Variants in ANKS1B observed in about 807,000 individuals in gnomAD.
ANKS1B encodes the protein ankyrin repeat and sterile alpha motif domain containing 1B, also known as ankyrin repeat and sterile alpha motif domain-containing protein 1B.
ANKS1B carries 36 observed loss-of-function variants against 148.3 expected under a neutral mutation model. The ratio of observed to expected loss-of-function variants is 0.24; its 90% CI spans 0.19 to 0.32. The LOEUF is 0.32. ANKS1B is among the 10% of genes least tolerant of loss of function. The pLI, the probability that ANKS1B is intolerant of heterozygous loss-of-function variation, is 1.00. For synonymous variants in ANKS1B, 542 were observed against 560.8 expected (o/e 0.97, Z 0.47); for missense variants, 1,157 against 1,542.6 (o/e 0.75, Z 4.19).
chr12:98,922,955 T>A (rs1309146768), intron 17 of ANKS1B, among the ~76,000 whole-genome samples: 1 of 152,040 alleles, frequency 6.6e-6, no homozygotes, highest in East Asian at 1.9e-4. Flanking sequence ...TTCTTTGGAG[T>A]CTGGGGAGGG....
intron 12 of ANKS1B, among the ~76,000 whole-genome samples, chr12:99,285,929 C>T (rs972964424): frequency 6.6e-6 from 1 of 152,112 alleles, no homozygotes; most frequent in Non-Finnish European, 1.5e-5. Context: ...AGCCCAAAAA[C>T]AAGCTAAAGC....
At chr12:99,462,649 T>C (rs1436451450) in intron 10 of ANKS1B, among the ~76,000 whole-genome samples, 2 of 152,240 alleles carry the variant, frequency 1.3e-5, no homozygotes, top group Non-Finnish European at 2.9e-5. Flanking sequence ...TAGAAATTAA[T>C]GTTATCAAAT....
chr12:99,122,414 T>G (rs2153728891), intron 15 of ANKS1B, among the ~76,000 whole-genome samples: 1 of 152,290 alleles, frequency 6.6e-6, no homozygotes, highest in East Asian at 1.9e-4. Flanking sequence ...CATTTTCTGG[T>G]TTTTACATGA....
At chr12:99,678,933 GA>G (rs1412345807) in intron 8 of ANKS1B, among the ~76,000 whole-genome samples, 3 of 152,052 alleles carry the variant, frequency 2.0e-5, no homozygotes, top group African/African-American at 7.2e-5. Context: ...AAAAAATGGG[GA>G]AAAATGTACT....
intron 16 of ANKS1B, among the ~76,000 whole-genome samples, chr12:99,075,520 A>T (rs1397723403): frequency 1.3e-5 from 2 of 152,230 alleles, no homozygotes; most frequent in Non-Finnish European, 2.9e-5. Flanking sequence ...CAGGCTAAGG[A>T]ATAATAAAAG....
chr12:98,741,633 C>T (rs1240908231), downstream of ANKS1B, among the ~76,000 whole-genome samples: 1 of 152,146 alleles, frequency 6.6e-6, no homozygotes, highest in African/African-American at 2.4e-5. Context: ...GAGTTTGCAA[C>T]CTGCTCAAAC....
chr12:99,761,420 C>T (rs1392498991), intron 8 of ANKS1B, among the ~76,000 whole-genome samples: 2 of 151,984 alleles, frequency 1.3e-5, no homozygotes, highest in Non-Finnish European at 2.9e-5. Flanking sequence ...GGATTTACCA[C>T]ATAAGCAGAT....
chr12:99,333,875 T>TTTTTTTTTTTTTTTTG (rs2088165022), intron 12 of ANKS1B, among the ~76,000 whole-genome samples: 1 of 149,314 alleles, frequency 6.7e-6, no homozygotes, highest in African/African-American at 2.5e-5. Context: ...TTTTTTTTTT[T>TTTTTTTTTTTTTTTTG]AACAATGTGA....
intron 19 of ANKS1B, among the ~76,000 whole-genome samples, chr12:98,819,308 T>C (rs1481817114): frequency 6.6e-6 from 1 of 152,226 alleles, no homozygotes; most frequent in East Asian, 1.9e-4. Flanking sequence ...GAATGACATG[T>C]TAATGTTGAT....
At chr12:99,243,906 A>T (rs1000382290) in intron 14 of ANKS1B, among the ~76,000 whole-genome samples, 2 of 152,106 alleles carry the variant, frequency 1.3e-5, no homozygotes, top group South Asian at 2.1e-4. Context: ...CATTAGGAGA[A>T]ATACCTAATG....
chr12:99,369,799 C>T (rs1284155058), intron 12 of ANKS1B, among the ~76,000 whole-genome samples: 30 of 123,352 alleles, frequency 2.4e-4, no homozygotes, highest in African/African-American at 4.0e-4. Flanking sequence ...GATGGACGGA[C>T]GGACAGACGG....
intron 22 of ANKS1B, chr12:98,795,679 CAAAACAAAACAAAACAA>C (rs1290171615): frequency 2.2e-6 from 1 of 446,644 alleles, no homozygotes; most frequent in East Asian, 7.0e-5. Flanking sequence ...GTGAAAAAAA[CAAAACAAAACAAAACAA>C]AAAACAAAAC....
intron 1 of ANKS1B, among the ~76,000 whole-genome samples, chr12:99,951,608 C>T (rs1433607710): frequency 6.6e-6 from 1 of 152,042 alleles, no homozygotes; most frequent in Non-Finnish European, 1.5e-5. Context: ...AGTGCAGTGG[C>T]TCATACCTAT....
intron 16 of ANKS1B, among the ~76,000 whole-genome samples, chr12:99,073,362 C>G (rs2046853857): frequency 6.6e-6 from 1 of 152,202 alleles, no homozygotes; most frequent in Non-Finnish European, 1.5e-5. Flanking sequence ...GTTTAATGCT[C>G]TAAAGATGTG....
At chr12:99,979,493 G>A (rs1163450553) in intron 1 of ANKS1B, among the ~76,000 whole-genome samples, 1 of 152,010 alleles carries the variant, frequency 6.6e-6, no homozygotes, top group Non-Finnish European at 1.5e-5. Flanking sequence ...TTTCAAATCA[G>A]AAGGGATAAA....
At chr12:99,637,045 C>T (rs11109961) in intron 9 of ANKS1B, among the ~76,000 whole-genome samples, 10,415 of 152,200 alleles carry the variant, frequency 0.068, 550 homozygotes, top group East Asian at 0.23. Context: ...GTGGCTCACA[C>T]CTGTAATCCT....
chr12:98,814,366 C>G (rs1056049356), intron 19 of ANKS1B, among the ~76,000 whole-genome samples: 2 of 152,190 alleles, frequency 1.3e-5, no homozygotes, highest in African/African-American at 4.8e-5. Context: ...ATTCAAAAGG[C>G]CTTGGTAAAT....
chr12:99,905,114 C>T (rs187816404), intron 1 of ANKS1B, among the ~76,000 whole-genome samples: 13 of 152,254 alleles, frequency 8.5e-5, no homozygotes, highest in African/African-American at 3.1e-4. Context: ...ATCTCTCCTT[C>T]TTTCTGTTCT....
intron 16 of ANKS1B, among the ~76,000 whole-genome samples, chr12:99,056,123 A>G (rs1010336351): frequency 2.6e-5 from 4 of 152,194 alleles, no homozygotes; most frequent in Non-Finnish European, 5.9e-5. Flanking sequence ...CACTCATTCA[A>G]TAAATATTTA....
Sources: gnomAD v4.1 joint callset for allele counts (sites outside exome capture counted in the v4.1 genomes callset) on GRCh38, gnomAD v4.1.1 for gene constraint, MANE v1.5 for transcripts, NCBI Gene and HGNC (gene_info 2026-07-23, HGNC 2026-07-21) for gene names.